RBFOX1: variants seen among roughly 807,000 people sequenced by gnomAD.
The protein encoded by RBFOX1 is RNA binding protein fox-1 homolog 1.
A neutral mutation model predicts 57.7 loss-of-function variants in RBFOX1; 8 were observed. The ratio of observed to expected loss-of-function variants is 0.14; its 90% CI spans 0.08 to 0.25. The LOEUF (loss-of-function observed/expected upper bound fraction) is 0.25, where lower values mean the gene tolerates loss of function less well. RBFOX1 is among the 10% of genes least tolerant of loss of function. RBFOX1 has a pLI of 1.00. For missense variants in RBFOX1, 611 were observed against 548.5 expected, an observed-to-expected ratio of 1.11 and a Z score of -1.14; for synonymous variants, 326 against 222.4, an observed-to-expected ratio of 1.47 and a Z score of -4.15.
In RBFOX1 at chr16:6,019,266, T is replaced by G; in HGVS notation, c.-853T>G. 1 of 984,876 alleles carries G rather than the reference T, an allele frequency of 1.0e-6. No individual in the cohort carries two copies. Among genetic ancestry groups the G allele is most frequent in the South Asian group, 4.7e-5 (1 of 21,232 alleles). 61.0% of individuals were successfully genotyped at this position (984,876 alleles called of 1,614,324 possible). On this transcript the variant is annotated 5_prime_UTR_variant, in exon 1 of 16. Coordinates refer to ENST00000550418, the MANE Select transcript of RBFOX1 (RefSeq NM_018723.4). This position sits in a 1 kb window ranked among gnomAD's most constrained non-coding sequence, Gnocchi z 4.2. ...CGCTCCCTCGATCACCCCAGCCCCC[T>G]TCCTGGTCTCCCGAGCGCGGGGTTT...
At chr16:7,422,211 GC>G (rs1302654012) in intron 4 of RBFOX1, among the ~76,000 whole-genome samples, 1 of 152,152 alleles carries the variant, frequency 6.6e-6, no homozygotes, top group African/African-American at 2.4e-5. Flanking sequence ...GGATAGAACT[GC>G]CTCTCCCACC....
At chr16:5,797,641 C>A (rs1170239276) in intron 3 of RBFOX1, among the ~76,000 whole-genome samples, 1 of 152,150 alleles carries the variant, frequency 6.6e-6, no homozygotes, top group Non-Finnish European at 1.5e-5. Flanking sequence ...TTTGAAAGAG[C>A]CAGCTTGGCC....
In RBFOX1 at chr16:5,825,852, G is replaced by GAATAAGGAATAATATTCCT. The variant is rs1567592067; in HGVS notation, c.319-41451_319-41450insAATAAGGAATAATATTCCT. Among the ~76,000 whole-genome samples the GAATAAGGAATAATATTCCT allele has an allele frequency of 3.9e-4, 18 of 45,970 alleles. 4 individuals are homozygous for GAATAAGGAATAATATTCCT. The highest frequency in any genetic ancestry group is 1.0e-3 in the African/African-American group (9 of 8,778). 30.2% of individuals were successfully genotyped at this position (45,970 alleles called of 152,430 possible). Reference sequence around the variant, plus strand: ...TAATATGAATAAGGAATAATATTCCGTAATATGAATAAGGAATAATATTCC... The same window carrying GAATAAGGAATAATATTCCT: ...TAATATGAATAAGGAATAATATTCCGAATAAGGAATAATATTCCTTAATATGAATAAGGAATAATATTCC... On this transcript the variant is annotated intron_variant, in intron 3 of 19. Transcript: ENST00000641259.
chr16:6,477,719 T>G (rs568457061), intron 2 of RBFOX1, among the ~76,000 whole-genome samples: 10 of 152,354 alleles, frequency 6.6e-5, no homozygotes, highest in African/African-American at 1.9e-4. Context: ...AGCCAGGTGT[T>G]GACTTCTTTC....
At chr16:5,701,392 C>G (rs1171679545) in intron 3 of RBFOX1, among the ~76,000 whole-genome samples, 1 of 152,186 alleles carries the variant, frequency 6.6e-6, no homozygotes, top group African/African-American at 2.4e-5. Context: ...TGTGATGCCT[C>G]AAGCTTGTCT....
At chr16:5,716,021 A>G (rs537957786) in intron 3 of RBFOX1, among the ~76,000 whole-genome samples, 1 of 152,314 alleles carries the variant, frequency 6.6e-6, no homozygotes, top group Non-Finnish European at 1.5e-5. Flanking sequence ...TGAAGTGGGC[A>G]AGGCAGGAAT....
intron 4 of RBFOX1, among the ~76,000 whole-genome samples, chr16:7,367,294 G>T (rs1012342014): frequency 1.3e-5 from 2 of 152,180 alleles, no homozygotes; most frequent in East Asian, 1.9e-4. Context: ...GTGCAGTTCA[G>T]TTTGTAGTCA....
chr16:6,567,536 G>T (rs935233558), intron 2 of RBFOX1, among the ~76,000 whole-genome samples: 1 of 152,078 alleles, frequency 6.6e-6, no homozygotes, highest in Admixed American at 6.6e-5. Flanking sequence ...CACCTTCATA[G>T]CACTTATTAC....
At chr16:6,909,466 G>A (rs8046151) in intron 3 of RBFOX1, among the ~76,000 whole-genome samples, 33,255 of 152,144 alleles carry the variant, frequency 0.22, 3,988 homozygotes, top group East Asian at 0.3. Context: ...CAGAGATTAC[G>A]ATGCAGGCAT....
At chr16:6,212,312 G>A (rs928250007) in intron 1 of RBFOX1, among the ~76,000 whole-genome samples, 1 of 152,010 alleles carries the variant, frequency 6.6e-6, no homozygotes, top group African/African-American at 2.4e-5. Context: ...CATTTGTATA[G>A]GTAACATACT....
At chr16:6,657,974 A>G (rs1421557123) in intron 3 of RBFOX1, among the ~76,000 whole-genome samples, 2 of 151,952 alleles carry the variant, frequency 1.3e-5, no homozygotes, top group Admixed American at 1.3e-4. Context: ...TCGTTTCCAG[A>G]TATTCCACAT....
intron 1 of RBFOX1, among the ~76,000 whole-genome samples, chr16:6,110,140 G>A (rs1246449331): frequency 1.3e-5 from 2 of 150,932 alleles, no homozygotes; most frequent in East Asian, 3.9e-4. Flanking sequence ...TCTATTTTGT[G>A]GATGATCACA....
intron 3 of RBFOX1, among the ~76,000 whole-genome samples, chr16:6,904,102 C>T (rs1293177933): frequency 1.3e-5 from 2 of 152,264 alleles, no homozygotes; most frequent in East Asian, 3.9e-4. Context: ...CTCTTATTCA[C>T]CACCCCTATA....
chr16:7,651,579 G>C (rs1319532388), intron 11 of RBFOX1, among the ~76,000 whole-genome samples: 1 of 152,346 alleles, frequency 6.6e-6, no homozygotes, highest in Admixed American at 6.5e-5. Context: ...ATAATGGGGA[G>C]ACATAAGGTG....
intron 1 of RBFOX1, chr16:6,057,112 T>C (rs2095624278): frequency 6.6e-6 from 1 of 152,090 alleles, no homozygotes; most frequent in Admixed American, 6.6e-5. Context: ...CAAGTGAGTT[T>C]TTGTGATCCC....
chr16:7,441,468 G>T (rs2098766051), intron 4 of RBFOX1, among the ~76,000 whole-genome samples: 1 of 152,184 alleles, frequency 6.6e-6, no homozygotes, highest in Non-Finnish European at 1.5e-5. Flanking sequence ...ATTCATGGAT[G>T]TGCCAGCGTC....
At chr16:5,484,324 A>T (rs1375178156) in intron 2 of RBFOX1, among the ~76,000 whole-genome samples, 2 of 152,208 alleles carry the variant, frequency 1.3e-5, no homozygotes, top group Non-Finnish European at 2.9e-5. Context: ...GTTTCCTGCC[A>T]CACAAACCCC....
At chr16:5,970,604 A>T (rs1033165919) in intron 4 of RBFOX1, among the ~76,000 whole-genome samples, 4 of 152,224 alleles carry the variant, frequency 2.6e-5, no homozygotes, top group Admixed American at 2.6e-4. Context: ...TGTAGAGAAG[A>T]CAGACTGTGG....
chr16:6,959,492 T>C (rs2082512347), intron 3 of RBFOX1, among the ~76,000 whole-genome samples: 1 of 151,004 alleles, frequency 6.6e-6, no homozygotes, highest in Non-Finnish European at 1.5e-5. Flanking sequence ...GGGAGTATCT[T>C]TTTTTATTTT....
Sources: gnomAD v4.1 joint callset for allele counts (sites outside exome capture counted in the v4.1 genomes callset) on GRCh38, gnomAD v4.1.1 for gene constraint, Gnocchi (gnomAD v3.1) non-coding constraint, MANE v1.5 for transcripts, NCBI Gene and HGNC (gene_info 2026-07-23, HGNC 2026-07-21) for gene names.